MYRIP: variants seen among roughly 807,000 people sequenced by gnomAD.
MYRIP encodes the protein myosin VIIA and Rab interacting protein.
A neutral mutation model predicts 98.0 loss-of-function variants in MYRIP; 49 were observed. The observed-to-expected ratio is 0.50, with a 90% confidence interval of 0.40 to 0.63. MYRIP has a LOEUF of 0.63. Among genes scored for constraint, MYRIP ranks in the 30% least tolerant of loss-of-function variants. The pLI is 0.00. For missense variants in MYRIP, 1,004 were observed against 1,058.2 expected (o/e 0.95, Z 0.71); for synonymous variants, 404 against 409.5 (o/e 0.99, Z 0.16).
Position 40,209,898 on chromosome 3 carries a change from G to C in MYRIP, c.1710G>C (p.Arg570=), listed in dbSNP as rs1321488066. 2 of 1,613,970 alleles carry C rather than the reference G, an allele frequency of 1.2e-6. No individual in the cohort carries two copies. The highest frequency in any genetic ancestry group is 4.5e-5 in the East Asian group (2 of 44,870). Residue 570 remains arginine, a synonymous_variant, in exon 11 of 17, where the codon CGG becomes CGC. Transcript: ENST00000302541. ...AGACAGACATCAGCAATGAGGCTCG[G>C]GATCCCCAGACTCTCACAGACACCA... ...LSETDISNEA[R]DPQTLTDTTE...
chr3:39,957,863 C>G (rs1329032846), intron 2 of MYRIP, among the ~76,000 whole-genome samples: 1 of 152,168 alleles, frequency 6.6e-6, no homozygotes, highest in South Asian at 2.1e-4. Flanking sequence ...GCAACAATCA[C>G]AAGCATTCCT....
intron 12 of MYRIP, 43 bp downstream of exon 12, chr3:40,234,096 G>A: frequency 6.5e-7 from 1 of 1,542,188 alleles, no homozygotes; most frequent in Non-Finnish European, 8.7e-7. Flanking sequence ...GAATGTATGT[G>A]AAGAAGAAGC....
intron 1 of MYRIP, among the ~76,000 whole-genome samples, chr3:39,848,698 A>G (rs1249869039): frequency 1.3e-5 from 2 of 152,246 alleles, no homozygotes; most frequent in Non-Finnish European, 2.9e-5. Flanking sequence ...TCCATGTCAG[A>G]CATGTAAACA....
In MYRIP at chr3:40,036,260, G is replaced by C. The variant is rs568676184; in HGVS notation, c.111-7790G>C. Among the ~76,000 whole-genome samples the C allele has an allele frequency of 2.7e-5, 3 of 111,002 alleles. No homozygotes were observed. The East Asian group carries it at 8.6e-4, about 32-fold the overall frequency. The allele number at this position is 111,002 out of a possible 152,430, so 72.8% of individuals were successfully genotyped here. A position where few individuals can be genotyped will look rare whatever the true frequency, so the allele number is the denominator to read the frequency against. Reference sequence around the variant, plus strand: ...AGAGAAGTTAGAGTCTTCTACAAAGGAAGAATTACACTGACAGACTTCCCA... The same window carrying C: ...AGAGAAGTTAGAGTCTTCTACAAAGCAAGAATTACACTGACAGACTTCCCA... On this transcript the variant is annotated intron_variant, in intron 2 of 16. Coordinates refer to ENST00000302541, the MANE Select transcript of MYRIP (RefSeq NM_015460.4).
intron 2 of MYRIP, among the ~76,000 whole-genome samples, chr3:40,024,739 G>T (rs948900546): frequency 1.3e-5 from 2 of 152,084 alleles, no homozygotes; most frequent in African/African-American, 4.8e-5. Context: ...TACCCTCACT[G>T]GTTATTAGAG....
At chr3:39,927,708 T>C (rs1211762917) in intron 2 of MYRIP, among the ~76,000 whole-genome samples, 1 of 152,004 alleles carries the variant, frequency 6.6e-6, no homozygotes, top group Non-Finnish European at 1.5e-5. Context: ...AGCATCACCC[T>C]GATACCAAAA....
intron 2 of MYRIP, among the ~76,000 whole-genome samples, chr3:40,043,433 T>C (rs1482820209): frequency 2.0e-5 from 3 of 152,134 alleles, no homozygotes; most frequent in Admixed American, 1.3e-4. Context: ...CACCGTTATG[T>C]TTTGCATTAG....
In MYRIP at chr3:39,886,746, T is replaced by A. The variant is rs567867477; in HGVS notation, c.-30-14041T>A. Among the ~76,000 whole-genome samples the A allele has an allele frequency of 1.7e-4, 25 of 150,782 alleles. No homozygotes were observed. In the South Asian group the frequency reaches 1.9e-3, roughly 11 times the overall value. ...CTCCCACACATTAATAATGGGAGAC[T>A]TTAACACCCCACTGTCAACATTAGA... is the stretch of plus-strand genomic sequence containing the variant. On this transcript the variant is annotated intron_variant, in intron 1 of 16. Coordinates refer to ENST00000302541, the MANE Select transcript of MYRIP (RefSeq NM_015460.4).
At chr3:40,137,057 G>C (rs1232407461) in intron 3 of MYRIP, among the ~76,000 whole-genome samples, 37 of 152,218 alleles carry the variant, frequency 2.4e-4, no homozygotes, top group African/African-American at 7.0e-4. Context: ...AGGAAATAGA[G>C]ACACAAAAAA....
At chr3:40,194,455 A>G (rs1296113209) in intron 10 of MYRIP, among the ~76,000 whole-genome samples, 1 of 152,028 alleles carries the variant, frequency 6.6e-6, no homozygotes, top group Non-Finnish European at 1.5e-5. Flanking sequence ...TTTAATTATA[A>G]TAACTCTATA....
At chr3:39,936,689 A>C (rs151206609) in intron 2 of MYRIP, among the ~76,000 whole-genome samples, 2 of 152,288 alleles carry the variant, frequency 1.3e-5, no homozygotes, top group Non-Finnish European at 2.9e-5. Flanking sequence ...CTTGCACCGT[A>C]ATACACAAAG....
chr3:39,885,791 G>T (rs1943281738), intron 1 of MYRIP, among the ~76,000 whole-genome samples: 1 of 151,850 alleles, frequency 6.6e-6, no homozygotes, highest in African/African-American at 2.4e-5. Flanking sequence ...GATCGCATTG[G>T]CTCCTGAGGC....
At chr3:40,099,950 C>G (rs958760360) in intron 3 of MYRIP, 6 of 971,342 alleles carry the variant, frequency 6.2e-6, no homozygotes, top group African/African-American at 3.5e-5. Context: ...ATGGATTTTT[C>G]TCGGCATTGG....
intron 11 of MYRIP, among the ~76,000 whole-genome samples, chr3:40,225,787 C>A (rs1952469288): frequency 6.6e-6 from 1 of 152,208 alleles, no homozygotes; most frequent in African/African-American, 2.4e-5. Context: ...CCCAAAGAGT[C>A]TCTCGCGAAC....
intron 4 of MYRIP, among the ~76,000 whole-genome samples, chr3:40,152,174 T>G (rs1950137540): frequency 6.6e-6 from 1 of 152,204 alleles, no homozygotes; most frequent in Non-Finnish European, 1.5e-5. Context: ...TTCAACAATT[T>G]CTCTAAATAC....
chr3:40,117,048 G>C (rs1373243119), intron 3 of MYRIP, among the ~76,000 whole-genome samples: 1 of 152,114 alleles, frequency 6.6e-6, no homozygotes, highest in African/African-American at 2.4e-5. Context: ...CCCGGCTATA[G>C]CTTGTTTGCA....
At position 40,186,750 on chromosome 3, in the gene MYRIP, G is replaced by A. The variant is rs138169781; in HGVS notation, c.1028-3076G>A. Among the ~76,000 whole-genome samples the A allele has an allele frequency of 1.2e-4, 19 of 152,312 alleles. No homozygotes were observed. The East Asian group carries it at 3.7e-3, about 29-fold the overall frequency. On this transcript the variant is annotated intron_variant, in intron 9 of 16. Transcript: ENST00000302541. ...CGTGAGGGCCAAGGTTTGGGGTGGGGCACACACAGAGCCTGCTGCAGTAAA... is the reference window on the plus strand; with the variant it reads ...CGTGAGGGCCAAGGTTTGGGGTGGGACACACACAGAGCCTGCTGCAGTAAA...
chr3:40,182,883 A>G (rs781415857), intron 9 of MYRIP, among the ~76,000 whole-genome samples: 2 of 152,226 alleles, frequency 1.3e-5, no homozygotes, highest in Non-Finnish European at 2.9e-5. Flanking sequence ...AGCATATGCC[A>G]CTATAACAAG....
chr3:40,191,503 C>T (rs970083052), intron 10 of MYRIP, among the ~76,000 whole-genome samples: 2 of 152,032 alleles, frequency 1.3e-5, no homozygotes, highest in African/African-American at 2.4e-5. Context: ...TCACGTAGGT[C>T]CAAAGATATG....
Sources: gnomAD v4.1 joint callset for allele counts (sites outside exome capture counted in the v4.1 genomes callset) on GRCh38, gnomAD v4.1.1 for gene constraint, MANE v1.5 for transcripts, NCBI Gene and HGNC (gene_info 2026-07-23, HGNC 2026-07-21) for gene names.